Variants in TTC1 observed in about 807,000 individuals in gnomAD.
TTC1 encodes the protein tetratricopeptide repeat protein 1.
A neutral mutation model predicts 37.6 loss-of-function variants in TTC1; 31 were observed. The ratio of observed to expected loss-of-function variants is 0.82; its 90% CI spans 0.62 to 1.11. The LOEUF (loss-of-function observed/expected upper bound fraction) is 1.11. TTC1 is among the 50% of genes most tolerant of loss of function. The probability of loss-of-function intolerance (pLI) is 0.00; values close to 1 mark genes in which losing one functional copy is unlikely to be tolerated. For missense variants in TTC1, 351 were observed against 339.0 expected, an observed-to-expected ratio of 1.04 and a Z score of -0.28; for synonymous variants, 127 against 122.4, an observed-to-expected ratio of 1.04 and a Z score of -0.25.
chr5:160,023,961 G>C (rs1365786716), intron 2 of TTC1: 2 of 1,562,992 alleles, frequency 1.3e-6, no homozygotes, highest in Non-Finnish European at 1.8e-6. Flanking sequence ...TCAGGTATCA[G>C]AGAGTATTTG....
intron 2 of TTC1, among the ~76,000 whole-genome samples, chr5:160,027,164 G>T (rs1007482760): frequency 2.6e-5 from 4 of 151,900 alleles, no homozygotes; most frequent in Admixed American, 2.0e-4. Flanking sequence ...TGAGTAGCTG[G>T]ACTACAGGTG....
At chr5:160,029,924 C>T (rs1756879384) in intron 2 of TTC1, among the ~76,000 whole-genome samples, 2 of 152,262 alleles carry the variant, frequency 1.3e-5, no homozygotes, top group Admixed American at 1.3e-4. Context: ...GTGGGGCCCA[C>T]CAGAGAGGAG....
At chr5:160,022,244 A>G (rs1015138936) in intron 2 of TTC1, among the ~76,000 whole-genome samples, 10 of 152,298 alleles carry the variant, frequency 6.6e-5, no homozygotes, top group African/African-American at 2.4e-4. Flanking sequence ...TGTTGTATTC[A>G]CTGACCTAAA....
At chr5:160,051,251 C>G in intron 7 of TTC1, 68 bp downstream of exon 7, 3 of 1,286,698 alleles carry the variant, frequency 2.3e-6, no homozygotes, top group Non-Finnish European at 3.3e-6. Flanking sequence ...ATAGCGAATA[C>G]TAGAGGAGAA....
intron 7 of TTC1, among the ~76,000 whole-genome samples, chr5:160,058,036 G>C (rs1757590321): frequency 1.3e-5 from 2 of 152,202 alleles, no homozygotes; most frequent in African/African-American, 4.8e-5. Flanking sequence ...CAAAGTGCTG[G>C]GATTATAGGC....
chr5:160,063,025 A>G (rs1753475795), intron 7 of TTC1, among the ~76,000 whole-genome samples: 1 of 152,182 alleles, frequency 6.6e-6, no homozygotes, highest in Admixed American at 6.5e-5. Context: ...AAGCAGCAGC[A>G]CAGAACGTGT....
chr5:160,038,070 A>T (rs906812266), intron 4 of TTC1, among the ~76,000 whole-genome samples: 1 of 151,472 alleles, frequency 6.6e-6, no homozygotes, highest in Non-Finnish European at 1.5e-5. Context: ...ATGCTTGGAC[A>T]TGCAGAAAGG....
chr5:160,051,105 C>G (rs1198739097), intron 6 of TTC1, 24 bp from the exon 7 acceptor site: 1 of 1,556,474 alleles, frequency 6.4e-7, no homozygotes, highest in East Asian at 2.3e-5. Flanking sequence ...TTTTACCAAC[C>G]CTTGTTTCTC....
chr5:160,038,577 C>G (rs918343366), intron 4 of TTC1, among the ~76,000 whole-genome samples: 16 of 151,660 alleles, frequency 1.1e-4, no homozygotes, highest in African/African-American at 3.9e-4. Flanking sequence ...GAGGAGAACT[C>G]AAAAGAGCGT....
At chr5:160,038,018 T>C (rs1037308374) in intron 4 of TTC1, among the ~76,000 whole-genome samples, 5 of 152,148 alleles carry the variant, frequency 3.3e-5, no homozygotes, top group African/African-American at 4.8e-5. Flanking sequence ...TTGTTGTTTT[T>C]TTTAAAGGCC....
intron 4 of TTC1, among the ~76,000 whole-genome samples, chr5:160,041,193 T>C (rs1269519408): frequency 1.3e-5 from 2 of 152,184 alleles, no homozygotes; most frequent in Non-Finnish European, 2.9e-5. Context: ...TGTTTGACAG[T>C]ACACTTTTTT....
chr5:160,030,137 G>A (rs1756884685), intron 2 of TTC1, among the ~76,000 whole-genome samples: 1 of 152,182 alleles, frequency 6.6e-6, no homozygotes, highest in Admixed American at 6.5e-5. Flanking sequence ...AAGGTAATGT[G>A]GGAAAAGAAC....
At chr5:160,056,040 G>T (rs890258899) in intron 7 of TTC1, among the ~76,000 whole-genome samples, 2 of 152,218 alleles carry the variant, frequency 1.3e-5, no homozygotes, top group African/African-American at 4.8e-5. Flanking sequence ...CTAGGTCCCA[G>T]AACACAAGTA....
chr5:160,031,648 A>T (rs1359672445), intron 2 of TTC1, among the ~76,000 whole-genome samples: 1 of 152,046 alleles, frequency 6.6e-6, no homozygotes. Context: ...AAATAACCTC[A>T]GAATTACATT....
At position 160,064,997 on chromosome 5, in the gene TTC1, A is replaced by T. The variant is rs901363470; in HGVS notation, c.811A>T (p.Ile271Phe). The change falls in exon 8 of 8, where the codon ATC becomes TTC. Residue 271 changes from isoleucine (I) to phenylalanine (F), a missense_variant. Physicochemically the swap from Ile to Phe is conservative, Grantham distance 21. Coordinates refer to ENST00000231238, the MANE Select transcript of TTC1 (RefSeq NM_003314.3). ...PFGLSTENFQIKQDSSTGSYS... is the reference protein window; with the variant it reads ...PFGLSTENFQFKQDSSTGSYS... ...TGGGCTCTCCACGGAAAATTTCCAG[A>T]TCAAACAGGATTCCTCTACCGGCTC... 6.2e-7 allele frequency: 1 copy of T among 1,613,978 alleles called. No homozygotes were observed. Among genetic ancestry groups the T allele is most frequent in the Non-Finnish European group, 8.5e-7 (1 of 1,180,030 alleles).
At chr5:160,012,014 A>G (rs995206578) in intron 2 of TTC1, among the ~76,000 whole-genome samples, 1 of 152,184 alleles carries the variant, frequency 6.6e-6, no homozygotes, top group Non-Finnish European at 1.5e-5. Flanking sequence ...TTTTTGTGCT[A>G]GTGTGCACCA....
chr5:160,029,030 A>T (rs1376652062), intron 2 of TTC1, among the ~76,000 whole-genome samples: 1 of 152,210 alleles, frequency 6.6e-6, no homozygotes. Flanking sequence ...CAAAACCTTG[A>T]ACTTTACATA....
chr5:160,049,606 T>C lies in TTC1; in HGVS notation c.634T>C (p.Tyr212His), dbSNP rs373530006. ...CAAGCTAGATGAAGCCCTGGAAGAC[T>C]ATAAATCTATATTAGAAAAAGATCC... Reference protein sequence around the residue: ...TDKLDEALEDYKSILEKDPSI... With the variant: ...TDKLDEALEDHKSILEKDPSI... Residue 212 changes from tyrosine to histidine, a missense_variant, in exon 6 of 8, where the codon TAT (tyrosine) becomes CAT (histidine). Tyr to His is a moderately conservative substitution (Grantham distance 83). Transcript: ENST00000231238. 1 of 1,609,930 alleles carries C rather than the reference T, an allele frequency of 6.2e-7. No homozygotes were observed. Among genetic ancestry groups the C allele is most frequent in the African/African-American group, 1.3e-5 (1 of 74,544 alleles).
At chr5:160,055,473 C>T (rs1211472915) in intron 7 of TTC1, among the ~76,000 whole-genome samples, 2 of 152,216 alleles carry the variant, frequency 1.3e-5, no homozygotes, top group African/African-American at 4.8e-5. Context: ...CATCAAGATT[C>T]TAATCACCAG....
Sources: gnomAD v4.1 joint callset for allele counts (sites outside exome capture counted in the v4.1 genomes callset) on GRCh38, gnomAD v4.1.1 for gene constraint, MANE v1.5 for transcripts, NCBI Gene and HGNC (gene_info 2026-07-23, HGNC 2026-07-21) for gene names.